The following PCMTD1 variants were observed in gnomAD, a reference collection of about 807,000 sequenced individuals.
PCMTD1 encodes the protein protein-L-isoaspartate (D-aspartate) O-methyltransferase domain containing 1, also known as protein-L-isoaspartate O-methyltransferase domain-containing protein 1.
In PCMTD1, 12 loss-of-function variants were observed where a neutral mutation model predicts 37.6. The observed-to-expected ratio is 0.32, with a 90% CI of 0.20 to 0.52. The LOEUF is 0.52. PCMTD1 is among the 20% of genes least tolerant of loss of function. The probability of loss-of-function intolerance (pLI) is 0.97; values close to 1 mark genes in which losing one functional copy is unlikely to be tolerated. For missense variants in PCMTD1, 235 were observed against 421.3 expected (o/e 0.56, Z 3.87); for synonymous variants, 117 against 135.8 (o/e 0.86, Z 0.96).
intron 5 of PCMTD1, 46 bp from the exon 6 acceptor site, chr8:51,820,764 AC>A: frequency 6.8e-7 from 1 of 1,463,350 alleles, no homozygotes; most frequent in Non-Finnish European, 9.1e-7. Context: ...TAACAATAAA[AC>A]ATTATCTATT....
rs755539330 is a variant in PCMTD1, at chr8:51,820,455, T to C, written c.970A>G (p.Met324Val). The C allele has an allele frequency of 3.1e-6, 5 of 1,613,922 alleles. No individual in the cohort carries two copies. The highest frequency in any genetic ancestry group is 1.3e-5 in the African/African-American group (1 of 75,062). Residue 324 changes from methionine to valine, a missense_variant, in exon 6 of 6, where the codon ATG (methionine) becomes GTG (valine). This residue lies in a region of PCMTD1 where 41 missense variants were observed against 36.4 expected (regional missense o/e 1.13). Transcript: ENST00000522514. ...EEEEKDHNEAMKPEEPPQNLL... is the reference protein window; with the variant it reads ...EEEEKDHNEAVKPEEPPQNLL... Reference sequence around the variant, plus strand: ...TTTTGAGGTGGCTCCTCTGGCTTCATTGCTTCATTGTGATCTTTTTCCTCC... The same window carrying C: ...TTTTGAGGTGGCTCCTCTGGCTTCACTGCTTCATTGTGATCTTTTTCCTCC...
chr8:51,825,860 C>T (rs1202937028), intron 5 of PCMTD1, among the ~76,000 whole-genome samples: 2 of 152,120 alleles, frequency 1.3e-5, no homozygotes, highest in African/African-American at 2.4e-5. Flanking sequence ...ACAACAGATG[C>T]TCGAGAGGAT....
chr8:51,836,571 A>C (rs2038069958), intron 3 of PCMTD1, among the ~76,000 whole-genome samples: 1 of 152,226 alleles, frequency 6.6e-6, no homozygotes, highest in South Asian at 2.1e-4. Flanking sequence ...TTTATTAAAT[A>C]AATGAACTAA....
rs2037795470 is a variant in PCMTD1 at position 51,818,530 on chromosome 8, A to G, written c.*1821T>C. 1.3e-5 allele frequency: 2 copies of G among 152,492 alleles called. No individual in the cohort carries two copies. The highest frequency in any genetic ancestry group is 4.8e-5 in the African/African-American group (2 of 41,482). 9.4% of individuals were successfully genotyped at this position (152,492 alleles called of 1,614,324 possible). ...CTAGGTACTTCAAAAGCCACATTTA[A>G]TTCAAAATAAAATGAGCATTTCTGA... On this transcript the variant is annotated 3_prime_UTR_variant, in exon 6 of 6. Coordinates refer to ENST00000522514, the MANE Select transcript of PCMTD1 (RefSeq NM_052937.4).
intron 1 of PCMTD1, among the ~76,000 whole-genome samples, chr8:51,866,881 CA>C (rs989784549): frequency 4.6e-5 from 7 of 151,736 alleles, no homozygotes; most frequent in Admixed American, 4.6e-4. Flanking sequence ...CAAAACAAAA[CA>C]AAAAAACTGC....
chr8:51,885,701 A>C (rs1311185248), intron 1 of PCMTD1, among the ~76,000 whole-genome samples: 4 of 152,240 alleles, frequency 2.6e-5, no homozygotes, highest in African/African-American at 9.6e-5. Flanking sequence ...TTTTACAATA[A>C]AGCAACAGTA....
chr8:51,842,596 AT>A (rs1403223157), intron 3 of PCMTD1, among the ~76,000 whole-genome samples: 1 of 151,768 alleles, frequency 6.6e-6, no homozygotes, highest in Non-Finnish European at 1.5e-5. Flanking sequence ...AAGTGCTATG[AT>A]TATAGTGTCA....
At chr8:51,889,999 CAAA>C (rs5891439) in intron 1 of PCMTD1, among the ~76,000 whole-genome samples, 43 of 80,138 alleles carry the variant, frequency 5.4e-4, no homozygotes, top group African/African-American at 1.3e-3. Context: ...AAGTCCTTAA[CAAA>C]AAAAAAAAAA....
chr8:51,858,031 A>G (rs144423029), intron 2 of PCMTD1, among the ~76,000 whole-genome samples: 2 of 152,226 alleles, frequency 1.3e-5, no homozygotes, highest in East Asian at 3.9e-4. Flanking sequence ...TAATAAAAGA[A>G]AAACCTAACT....
At chr8:51,861,384 T>C (rs1247175722) in intron 1 of PCMTD1, 138 bp from the exon 2 acceptor site, 1 of 563,020 alleles carries the variant, frequency 1.8e-6, no homozygotes, top group East Asian at 3.4e-5. Context: ...TTAAACTCCT[T>C]CTTAACTATA....
At chr8:51,848,973 T>C (rs1028727486) in intron 2 of PCMTD1, 1 of 152,108 alleles carries the variant, frequency 6.6e-6, no homozygotes, top group African/African-American at 2.4e-5. Context: ...CAATATCTCA[T>C]TTATTTAGAA....
intron 1 of PCMTD1, among the ~76,000 whole-genome samples, chr8:51,874,147 C>T (rs575276676): frequency 6.6e-6 from 1 of 152,230 alleles, no homozygotes; most frequent in South Asian, 2.1e-4. Flanking sequence ...ATCCGCCCAC[C>T]TTGGCCTGCC....
At chr8:51,868,407 T>C (rs1347999999) in intron 1 of PCMTD1, among the ~76,000 whole-genome samples, 2 of 152,066 alleles carry the variant, frequency 1.3e-5, no homozygotes, top group Admixed American at 1.3e-4. Flanking sequence ...CCCTACAAAA[T>C]GGCTATATGT....
chr8:51,827,436 T>C (rs1367898423), intron 5 of PCMTD1: 7 of 478,664 alleles, frequency 1.5e-5, no homozygotes, highest in Non-Finnish European at 1.9e-5. Context: ...CTGAGTAGTG[T>C]AGTATAATTG....
At position 51,826,635 on chromosome 8, in the gene PCMTD1, A is replaced by G. The variant is rs571738408; in HGVS notation, c.706+4809T>C. On this transcript the variant is annotated intron_variant, in intron 5 of 5. Coordinates refer to ENST00000522514, the MANE Select transcript of PCMTD1 (RefSeq NM_052937.4). ...CTGTATGTAGATTGTATAGGAGCCT[A>G]GGAGTCAGAAATCATTTTTGTTAAC... Among the ~76,000 whole-genome samples the G allele has an allele frequency of 4.6e-5, 7 of 152,336 alleles. No individual in the cohort carries two copies. In the South Asian group the frequency reaches 1.2e-3, roughly 27 times the overall value.
intron 1 of PCMTD1, among the ~76,000 whole-genome samples, chr8:51,886,740 C>T (rs1000870687): frequency 1.3e-5 from 2 of 152,102 alleles, no homozygotes; most frequent in South Asian, 4.1e-4. Context: ...GTATATTTAC[C>T]TGTATTAGTT....
At chr8:51,849,035 G>C (rs1173684569) in intron 2 of PCMTD1, 1 of 152,108 alleles carries the variant, frequency 6.6e-6, no homozygotes, top group Non-Finnish European at 1.5e-5. Context: ...ATGCAATGCT[G>C]ATTATTACAA....
intron 4 of PCMTD1, among the ~76,000 whole-genome samples, chr8:51,832,058 T>C (rs569029944): frequency 1.3e-5 from 2 of 152,324 alleles, no homozygotes; most frequent in African/African-American, 4.8e-5. Flanking sequence ...CTAGGAGTTT[T>C]ATCATTTCAG....
At position 51,853,497 on chromosome 8, in the gene PCMTD1, G is replaced by A. The variant is rs142392900; in HGVS notation, c.307+7348C>T. 1.5e-4 allele frequency among the ~76,000 whole-genome samples: 23 copies of A among 152,230 alleles called. No individual in the cohort carries two copies. In the East Asian group the frequency reaches 4.3e-3, roughly 28 times the overall value. On this transcript the variant is annotated intron_variant, in intron 2 of 5. Coordinates refer to ENST00000522514, the MANE Select transcript of PCMTD1 (RefSeq NM_052937.4). ...AGAAAGGTTTAGTACTTTTCTCAAA[G>A]TAACACGCAGTCAATTGTCATTATT...
Sources: allele counts gnomAD v4.1 joint callset (sites outside exome capture counted in the v4.1 genomes callset), GRCh38; gene constraint gnomAD v4.1.1; regional missense constraint gnomAD v4.1.1; transcripts MANE v1.5; gene names NCBI Gene and HGNC (gene_info 2026-07-23, HGNC 2026-07-21).